Variants in ROBO1 observed in about 807,000 individuals in gnomAD.
ROBO1 encodes roundabout guidance receptor 1, also known as roundabout homolog 1.
A neutral mutation model predicts 195.9 loss-of-function variants in ROBO1; 149 were observed. That is an observed-to-expected ratio of 0.76 (90% CI 0.67 to 0.87). The LOEUF (loss-of-function observed/expected upper bound fraction) is 0.87. Ranked by LOEUF, ROBO1 falls within the 40% of genes least tolerant of loss-of-function variation. ROBO1 has a pLI of 0.00. For missense variants in ROBO1, 1,933 were observed against 2,068.3 expected (o/e 0.93, Z 1.27); for synonymous variants, 816 against 733.2 (o/e 1.11, Z -1.82).
At chr3:79,518,388 C>A (rs981884975) in intron 2 of ROBO1, among the ~76,000 whole-genome samples, 5 of 152,078 alleles carry the variant, frequency 3.3e-5, no homozygotes, top group Non-Finnish European at 7.4e-5. Context: ...GATGCAATGG[C>A]ACATGCTGCT....
chr3:79,619,113 T>G (rs1248345550), intron 1 of ROBO1, among the ~76,000 whole-genome samples: 2 of 152,152 alleles, frequency 1.3e-5, no homozygotes, highest in Non-Finnish European at 2.9e-5. Context: ...CAGAGACACC[T>G]GCCCTCATCA....
intron 4 of ROBO1, among the ~76,000 whole-genome samples, chr3:78,834,587 T>C (rs889357441): frequency 2.6e-5 from 4 of 151,928 alleles, no homozygotes; most frequent in Admixed American, 2.0e-4. Flanking sequence ...ATATGCTATA[T>C]AATGATCAGA....
rs574803021 is a variant in ROBO1, at chr3:79,092,614, T to C, written c.172+32842A>G. On this transcript the variant is annotated intron_variant, in intron 3 of 30. Transcript: ENST00000464233. ...CCATTTAAACCTTTTTCTCCTCAAT[T>C]CCTTCCATTTAAATTCCTTTCGTTA... 2.0e-5 allele frequency among the ~76,000 whole-genome samples: 3 copies of C among 152,272 alleles called. No homozygotes were observed. The South Asian group carries it at 6.2e-4, about 32-fold the overall frequency.
chr3:79,033,654 C>A (rs2108309792), intron 3 of ROBO1, among the ~76,000 whole-genome samples: 1 of 152,144 alleles, frequency 6.6e-6, no homozygotes, highest in East Asian at 1.9e-4. Context: ...CAGACTTTAT[C>A]ATTAGGGTGG....
At chr3:78,673,562 TTA>T (rs1166250669) in intron 10 of ROBO1, among the ~76,000 whole-genome samples, 2,623 of 63,042 alleles carry the variant, frequency 0.042, 27 homozygotes, top group Non-Finnish European at 0.044. Flanking sequence ...TACATATATT[TTA>T]TATATATATA....
intron 3 of ROBO1, among the ~76,000 whole-genome samples, chr3:78,959,946 G>T (rs1576470628): frequency 6.6e-6 from 1 of 152,156 alleles, no homozygotes; most frequent in African/African-American, 2.4e-5. Flanking sequence ...TTTGGGGAGT[G>T]GGGGAGGGTG....
At chr3:78,720,396 A>G (rs1159087703) in intron 5 of ROBO1, among the ~76,000 whole-genome samples, 1 of 152,206 alleles carries the variant, frequency 6.6e-6, no homozygotes, top group African/African-American at 2.4e-5. Flanking sequence ...ACAATGAGAT[A>G]CCATCTCACA....
chr3:79,227,325 C>T lies in ROBO1; in HGVS notation c.89-101786G>A, dbSNP rs193263760. ...AGTTCTGTGTTCTCCACTTGCTCTA[C>T]GGTCTTCCTAGGCAGTTCCATCCAT... On this transcript the variant is annotated intron_variant, in intron 2 of 30. Coordinates refer to ENST00000464233, the MANE Select transcript of ROBO1 (RefSeq NM_002941.4). 1.9e-4 allele frequency among the ~76,000 whole-genome samples: 29 copies of T among 152,276 alleles called. 1 individual carries two copies. Among genetic ancestry groups the T allele is most frequent in the Admixed American group, 1.5e-3 (23 of 15,300 alleles).
At chr3:78,841,791 G>A (rs996346748) in intron 4 of ROBO1, among the ~76,000 whole-genome samples, 8 of 152,068 alleles carry the variant, frequency 5.3e-5, no homozygotes, top group Middle Eastern at 6.8e-3. Flanking sequence ...AGAAAAAGAC[G>A]AATGAGAGAA....
At chr3:79,624,052 T>C (rs1461757945) in intron 1 of ROBO1, among the ~76,000 whole-genome samples, 1 of 152,144 alleles carries the variant, frequency 6.6e-6, no homozygotes, top group African/African-American at 2.4e-5. Flanking sequence ...TCAACATTCT[T>C]AAAGAAAATA....
At chr3:79,190,329 T>A (rs750307663) in intron 2 of ROBO1, among the ~76,000 whole-genome samples, 1 of 151,638 alleles carries the variant, frequency 6.6e-6, no homozygotes, top group Non-Finnish European at 1.5e-5. Context: ...GGCTATTGAG[T>A]ACTTGGGATG....
chr3:79,482,466 G>C (rs2107387970), intron 2 of ROBO1, among the ~76,000 whole-genome samples: 1 of 152,174 alleles, frequency 6.6e-6, no homozygotes, highest in South Asian at 2.1e-4. Flanking sequence ...CTTACGCTTG[G>C]TTCTCATTCT....
chr3:79,551,922 A>G (rs142499867), intron 2 of ROBO1, among the ~76,000 whole-genome samples: 1 of 145,180 alleles, frequency 6.9e-6, no homozygotes, highest in Non-Finnish European at 1.5e-5. Context: ...TTTAAGGATG[A>G]CAGTATAAGA....
At chr3:79,289,417 T>A (rs1231388235) in intron 2 of ROBO1, among the ~76,000 whole-genome samples, 2 of 152,130 alleles carry the variant, frequency 1.3e-5, no homozygotes, top group African/African-American at 2.4e-5. Flanking sequence ...AGGTTTGAAA[T>A]TAGACTTGCT....
intron 2 of ROBO1, among the ~76,000 whole-genome samples, chr3:79,453,101 C>A (rs991819692): frequency 6.6e-6 from 1 of 151,716 alleles, no homozygotes; most frequent in Non-Finnish European, 1.5e-5. Flanking sequence ...TCTTAAGTAG[C>A]CAAATCTAGA....
chr3:79,502,117 G>A (rs1048893091), intron 2 of ROBO1, among the ~76,000 whole-genome samples: 1 of 152,170 alleles, frequency 6.6e-6, no homozygotes, highest in Admixed American at 6.5e-5. Flanking sequence ...GCCCTCACTC[G>A]TTATCCGCGC....
chr3:79,628,648 C>T (rs1469357710), intron 1 of ROBO1, among the ~76,000 whole-genome samples: 2 of 152,094 alleles, frequency 1.3e-5, no homozygotes, highest in Non-Finnish European at 2.9e-5. Flanking sequence ...TACATATCAA[C>T]ACTAACCTTG....
At chr3:78,710,350 T>C (rs1418350146) in intron 8 of ROBO1, among the ~76,000 whole-genome samples, 10 of 152,230 alleles carry the variant, frequency 6.6e-5, no homozygotes, top group Non-Finnish European at 1.2e-4. Flanking sequence ...GCTTTATATT[T>C]GAGAAATGTC....
chr3:79,486,482 T>G (rs1016999454), intron 2 of ROBO1, among the ~76,000 whole-genome samples: 1 of 152,198 alleles, frequency 6.6e-6, no homozygotes, highest in Non-Finnish European at 1.5e-5. Context: ...ACTTGCTTAT[T>G]TTCTGACTGT....
Sources: allele counts gnomAD v4.1 joint callset (sites outside exome capture counted in the v4.1 genomes callset), GRCh38; gene constraint gnomAD v4.1.1; transcripts MANE v1.5; gene names NCBI Gene and HGNC (gene_info 2026-07-23, HGNC 2026-07-21).